The following RAVER2 variants were observed in gnomAD, a reference collection of about 807,000 sequenced individuals.
RAVER2 encodes the protein ribonucleoprotein PTB-binding 2.
RAVER2 carries 46 observed loss-of-function variants against 78.1 expected under a neutral mutation model. The observed-to-expected ratio is 0.59, with a 90% confidence interval of 0.46 to 0.75. The LOEUF is 0.75. RAVER2 is among the 30% of genes least tolerant of loss of function. RAVER2 has a pLI of 0.00. For missense variants in RAVER2, 793 were observed against 837.5 expected, an observed-to-expected ratio of 0.95 and a Z score of 0.66; for synonymous variants, 311 against 313.3, an observed-to-expected ratio of 0.99 and a Z score of 0.08.
rs565797240 is a variant in RAVER2, at chr1:64,756,172, A to G, written c.249+10751A>G. Reference sequence around the variant, plus strand: ...GTCAAGTTTTATGTCTTTAGCAGGAACATCACAAGGTGGTACATGTTTTAC... The same window carrying G: ...GTCAAGTTTTATGTCTTTAGCAGGAGCATCACAAGGTGGTACATGTTTTAC... On this transcript the variant is annotated intron_variant, in intron 1 of 11. Transcript: ENST00000294428. Among the ~76,000 whole-genome samples the G allele has an allele frequency of 2.6e-5, 4 of 152,314 alleles. No individual in the cohort carries two copies. The South Asian group carries it at 8.3e-4, about 32-fold the overall frequency.
At chr1:64,765,488 A>G (rs908299565) in intron 1 of RAVER2, among the ~76,000 whole-genome samples, 3 of 152,242 alleles carry the variant, frequency 2.0e-5, no homozygotes, top group Non-Finnish European at 2.9e-5. Context: ...TATTGAGTCT[A>G]AGAATCAAGG....
exon 3 of RAVER2, chr1:64,777,914 T>C: frequency 6.2e-7 from 1 of 1,614,104 alleles, no homozygotes; most frequent in Non-Finnish European, 8.5e-7. Context: ...AGACTGGAGC[T>C]ATTGGGTAGA....
intron 10 of RAVER2, among the ~76,000 whole-genome samples, chr1:64,814,048 C>T (rs1343065993): frequency 6.6e-5 from 10 of 151,866 alleles, no homozygotes; most frequent in East Asian, 3.9e-4. Context: ...CTCAGCCTCC[C>T]GAGTAGGTGG....
intron 4 of RAVER2, among the ~76,000 whole-genome samples, chr1:64,784,584 A>G (rs566583800): frequency 1.3e-5 from 2 of 152,288 alleles, no homozygotes; most frequent in African/African-American, 4.8e-5. Flanking sequence ...ATAATTTCAG[A>G]CCAAACTGCT....
intron 9 of RAVER2, 116 bp from the exon 10 acceptor site, chr1:64,812,622 C>T (rs1653645295): frequency 1.7e-6 from 1 of 604,684 alleles, no homozygotes; most frequent in South Asian, 2.7e-5. Context: ...TAGTGAACAT[C>T]CATAAATATT....
intron 2 of RAVER2, among the ~76,000 whole-genome samples, chr1:64,775,001 G>A (rs1328490419): frequency 2.0e-5 from 3 of 152,140 alleles, no homozygotes; most frequent in Non-Finnish European, 4.4e-5. Context: ...GTATAGGAAC[G>A]CTTGTGATTT....
At chr1:64,807,544 G>A (rs1243274175) in intron 9 of RAVER2, 70 bp downstream of exon 9, 1 of 1,350,328 alleles carries the variant, frequency 7.4e-7, no homozygotes, top group Non-Finnish European at 9.8e-7. Context: ...TTTAAATTAT[G>A]TCTTAAATTG....
At chr1:64,814,564 T>C in intron 10 of RAVER2, 140 bp from the exon 11 acceptor site, 1 of 449,506 alleles carries the variant, frequency 2.2e-6, no homozygotes, top group Non-Finnish European at 3.1e-6. Context: ...TTTGATAATG[T>C]GCTGAGTTAC....
At chr1:64,755,743 T>G (rs1651839071) in intron 1 of RAVER2, among the ~76,000 whole-genome samples, 2 of 145,104 alleles carry the variant, frequency 1.4e-5, no homozygotes, top group African/African-American at 5.1e-5. Flanking sequence ...TTTTTTTTTT[T>G]TTTTTTTTTT....
chr1:64,812,387 G>GTAGA (rs1178290760), intron 9 of RAVER2, among the ~76,000 whole-genome samples: 1 of 138,352 alleles, frequency 7.2e-6, no homozygotes, highest in African/African-American at 2.9e-5. Context: ...AAAAAAATAG[G>GTAGA]TAGATAGATA....
At chr1:64,826,245 A>G (rs1285660079) in intron 11 of RAVER2, among the ~76,000 whole-genome samples, 2 of 152,250 alleles carry the variant, frequency 1.3e-5, no homozygotes, top group Admixed American at 1.3e-4. Context: ...TGGAACTTAC[A>G]TTTAGGGGAA....
At chr1:64,768,018 A>G (rs192251440) in intron 1 of RAVER2, among the ~76,000 whole-genome samples, 2 of 151,756 alleles carry the variant, frequency 1.3e-5, no homozygotes, top group African/African-American at 4.9e-5. Flanking sequence ...ACTGCATGCT[A>G]TGCCTTAGTA....
chr1:64,799,443 T>C (rs1653197706), intron 5 of RAVER2, among the ~76,000 whole-genome samples: 2 of 152,096 alleles, frequency 1.3e-5, no homozygotes, highest in Admixed American at 6.6e-5. Context: ...TTGTTTTTGT[T>C]GTTATTTGTT....
chr1:64,780,479 GAGAAA>G, intron 3 of RAVER2, among the ~76,000 whole-genome samples: 1 of 152,106 alleles, frequency 6.6e-6, no homozygotes, highest in Non-Finnish European at 1.5e-5. Context: ...TCAAAAACAA[GAGAAA>G]AGAAACTGAG....
chr1:64,786,400 A>C (rs984170819), intron 4 of RAVER2, among the ~76,000 whole-genome samples: 1 of 152,200 alleles, frequency 6.6e-6, no homozygotes, highest in Non-Finnish European at 1.5e-5. Context: ...AGAGACTTCT[A>C]ATATTACAAG....
At chr1:64,750,940 G>T (rs1407535412) in intron 1 of RAVER2, among the ~76,000 whole-genome samples, 1 of 152,208 alleles carries the variant, frequency 6.6e-6, no homozygotes, top group Admixed American at 6.5e-5. Context: ...CTAGGGAAAT[G>T]TACTTCTAGA....
intron 1 of RAVER2, among the ~76,000 whole-genome samples, chr1:64,761,498 A>G (rs1309525765): frequency 2.0e-5 from 3 of 152,210 alleles, no homozygotes; most frequent in African/African-American, 4.8e-5. Flanking sequence ...GTGCAGAAAA[A>G]GCACTTTATA....
At chr1:64,759,988 T>C (rs1291416189) in intron 1 of RAVER2, among the ~76,000 whole-genome samples, 2 of 152,156 alleles carry the variant, frequency 1.3e-5, no homozygotes, top group African/African-American at 2.4e-5. Context: ...GTGCTGGATG[T>C]TGGAGATCTG....
At chr1:64,795,424 G>A (rs1251568076) in intron 5 of RAVER2, among the ~76,000 whole-genome samples, 1 of 152,040 alleles carries the variant, frequency 6.6e-6, no homozygotes, top group Non-Finnish European at 1.5e-5. Context: ...ACAATTCTGA[G>A]GCTTCTGATC....
Sources: gnomAD v4.1 joint callset for allele counts (sites outside exome capture counted in the v4.1 genomes callset) on GRCh38, gnomAD v4.1.1 for gene constraint, MANE v1.5 for transcripts, NCBI Gene and HGNC (gene_info 2026-07-23, HGNC 2026-07-21) for gene names.